The following RFTN2 variants were observed in gnomAD, a reference collection of about 807,000 sequenced individuals.
The protein encoded by RFTN2 is raftlin-2.
In RFTN2, 34 loss-of-function variants were observed where a neutral mutation model predicts 52.7. That is an observed-to-expected ratio of 0.64 (90% CI 0.49 to 0.86). The LOEUF is 0.86. Ranked by LOEUF, RFTN2 falls within the 40% of genes least tolerant of loss-of-function variation. RFTN2 has a pLI of 0.00. For missense variants in RFTN2, 536 were observed against 600.1 expected (o/e 0.89, Z 1.12); for synonymous variants, 203 against 217.7 (o/e 0.93, Z 0.59).
intron 7 of RFTN2, among the ~76,000 whole-genome samples, chr2:197,608,555 C>T (rs1209356186): frequency 4.6e-5 from 7 of 150,616 alleles, no homozygotes; most frequent in Non-Finnish European, 1.0e-4. Context: ...CTCAAGTGAT[C>T]TGCCTTCTTT....
At chr2:197,654,352 A>C (rs1198923938) in intron 1 of RFTN2, among the ~76,000 whole-genome samples, 1 of 152,012 alleles carries the variant, frequency 6.6e-6, no homozygotes, top group Non-Finnish European at 1.5e-5. Context: ...CCATGATAGC[A>C]CCACTGCACT....
chr2:197,672,208 C>T (rs1314949815), intron 1 of RFTN2, among the ~76,000 whole-genome samples: 4 of 152,068 alleles, frequency 2.6e-5, no homozygotes, highest in Admixed American at 2.6e-4. Flanking sequence ...CAGAAAAATT[C>T]GGCCTACCTA....
At chr2:197,602,793 A>G (rs1247728017) in intron 7 of RFTN2, among the ~76,000 whole-genome samples, 1 of 152,226 alleles carries the variant, frequency 6.6e-6, no homozygotes, top group Non-Finnish European at 1.5e-5. Context: ...TCGCGGCACT[A>G]TTCACAATAG....
intron 5 of RFTN2, 80 bp downstream of exon 5, chr2:197,630,931 T>G: frequency 1.1e-6 from 1 of 913,416 alleles, no homozygotes; most frequent in Non-Finnish European, 1.8e-6. Context: ...CCATAGAACT[T>G]GAGAGGTAAA....
At chr2:197,596,331 C>G (rs942017919) in intron 7 of RFTN2, among the ~76,000 whole-genome samples, 2 of 152,124 alleles carry the variant, frequency 1.3e-5, no homozygotes, top group East Asian at 3.8e-4. Context: ...TTTAAAGACA[C>G]TTGTAATCTC....
At chr2:197,627,876 C>T (rs576112766) in intron 5 of RFTN2, among the ~76,000 whole-genome samples, 2 of 107,984 alleles carry the variant, frequency 1.9e-5, no homozygotes, top group Admixed American at 1.1e-4. Context: ...CTGTCCCCCG[C>T]CCCCCCGCCC....
In RFTN2 at chr2:197,675,538, G is replaced by T; in HGVS notation, c.-80C>A. On this transcript the variant is annotated 5_prime_UTR_variant, in exon 1 of 9. Transcript: ENST00000295049. ...CTGTTGTTTAAGCTGCAAAAAGAAAGTTACAGACTTAACTGCTTTGATTTT... is the reference window on the plus strand; with the variant it reads ...CTGTTGTTTAAGCTGCAAAAAGAAATTTACAGACTTAACTGCTTTGATTTT... 1.7e-6 allele frequency: 1 copy of T among 605,496 alleles called. No homozygotes were observed. The allele number at this position is 605,496 out of a possible 1,614,324, so 37.5% of individuals were successfully genotyped here. A position where few individuals can be genotyped will look rare whatever the true frequency, so the allele number is the denominator to read the frequency against.
chr2:197,672,288 A>C (rs1183950839), intron 1 of RFTN2, among the ~76,000 whole-genome samples: 2 of 152,232 alleles, frequency 1.3e-5, no homozygotes, highest in African/African-American at 2.4e-5. Flanking sequence ...TAAGATACCC[A>C]GCATAGCAGC....
chr2:197,635,189 A>G (rs1349800028), intron 3 of RFTN2, among the ~76,000 whole-genome samples: 2 of 152,154 alleles, frequency 1.3e-5, no homozygotes, highest in Non-Finnish European at 2.9e-5. Context: ...TAATGCCGCA[A>G]TAAACATACT....
intron 1 of RFTN2, among the ~76,000 whole-genome samples, chr2:197,648,578 A>G (rs1364296530): frequency 6.6e-6 from 1 of 152,246 alleles, no homozygotes; most frequent in Non-Finnish European, 1.5e-5. Context: ...TCTTAACACT[A>G]AGGAATGAAA....
intron 8 of RFTN2, among the ~76,000 whole-genome samples, chr2:197,589,161 G>A (rs2087648555): frequency 7.3e-6 from 1 of 136,676 alleles, no homozygotes; most frequent in South Asian, 2.4e-4. Context: ...GGCGGAGGTT[G>A]CAGTGAGCTG....
intron 3 of RFTN2, among the ~76,000 whole-genome samples, chr2:197,641,757 C>G (rs1256174030): frequency 6.6e-6 from 1 of 152,212 alleles, no homozygotes; most frequent in Non-Finnish European, 1.5e-5. Flanking sequence ...CACAAGGCAG[C>G]CGCTCAAAAA....
chr2:197,629,702 A>AT (rs71939307), intron 5 of RFTN2, among the ~76,000 whole-genome samples: 1,647 of 141,962 alleles, frequency 0.012, 8 homozygotes, highest in African/African-American at 0.019. Context: ...ACACACACAT[A>AT]TTTATTTTAT....
chr2:197,634,814 A>C (rs143718644), intron 3 of RFTN2, among the ~76,000 whole-genome samples: 2,505 of 151,554 alleles, frequency 0.017, 69 homozygotes, highest in African/African-American at 0.058. Context: ...TATACATGTG[A>C]CATGCTGGTG....
Position 197,572,067 on chromosome 2 carries a change from C to A in RFTN2, c.1447G>T (p.Glu483Ter), listed in dbSNP as rs1243777052. ...GFSSSDNVLR[E>*]LDDGQFDQED... is the part of the protein sequence containing the mutation. ...TGATCAAACTGTCCGTCGTCTAATT[C>A]CCGGAGGACGTTGTCACTGCTGCTG... Residue 483 changes from glutamate (E) to a stop codon, truncating the protein, a stop_gained, in exon 9 of 9, where the codon GAA becomes TAA. Transcript: ENST00000295049. LOFTEE classifies it high-confidence loss of function. 1 of 1,614,196 alleles carries A rather than the reference C, an allele frequency of 6.2e-7. No individual in the cohort carries two copies. The highest frequency in any genetic ancestry group is 8.5e-7 in the Non-Finnish European group (1 of 1,180,036).
intron 8 of RFTN2, among the ~76,000 whole-genome samples, chr2:197,586,832 C>A (rs915702564): frequency 6.6e-6 from 1 of 152,210 alleles, no homozygotes; most frequent in Non-Finnish European, 1.5e-5. Context: ...CCTTGACTTA[C>A]TCACTGCTGA....
At chr2:197,629,706 AT>A (rs751561536) in intron 5 of RFTN2, among the ~76,000 whole-genome samples, 93 of 149,190 alleles carry the variant, frequency 6.2e-4, no homozygotes, top group Non-Finnish European at 1.0e-3. Context: ...ACACATATTT[AT>A]TTTATTTTAT....
chr2:197,571,917 TACATAAATGCAGAGAAAGTAATA>T lies in RFTN2; in HGVS notation c.*68_*90del. On this transcript the variant is annotated 3_prime_UTR_variant, in exon 9 of 9. Transcript: ENST00000295049. Reference sequence around the variant, plus strand: ...TGGGTCTGGAAAAATTCAAAAATATTACATAAATGCAGAGAAAGTAATACAATAAGGTCAGTTGGCAATGATTT... The same window carrying T: ...TGGGTCTGGAAAAATTCAAAAATATTCAATAAGGTCAGTTGGCAATGATTT... 1.5e-6 allele frequency: 2 copies of T among 1,374,888 alleles called. No individual in the cohort carries two copies. The highest frequency in any genetic ancestry group is 2.7e-5 in the South Asian group (2 of 73,484). The allele number at this position is 1,374,888 out of a possible 1,614,324, so 85.2% of individuals were successfully genotyped here. A position where few individuals can be genotyped will look rare whatever the true frequency, so the allele number is the denominator to read the frequency against.
At position 197,675,327 on chromosome 2, in the gene RFTN2, A is replaced by C; in HGVS notation, c.132T>G (p.Thr44=). ...FAYEYVLLDF[T]LQASSNPEVI... Reference sequence around the variant, plus strand: ...AATAGAAGCAAAAAGTACCTTGTAGAGTAAAATCCAGCAATACATATTCGT... The same window carrying C: ...AATAGAAGCAAAAAGTACCTTGTAGCGTAAAATCCAGCAATACATATTCGT... The change falls in exon 1 of 9, where the codon ACT becomes ACG. Residue 44 remains threonine, a synonymous_variant. Transcript: ENST00000295049. 1 of 1,597,232 alleles carries C rather than the reference A, an allele frequency of 6.3e-7. No homozygotes were observed.
Sources: allele counts gnomAD v4.1 joint callset (sites outside exome capture counted in the v4.1 genomes callset), GRCh38; gene constraint gnomAD v4.1.1; transcripts MANE v1.5; gene names NCBI Gene and HGNC (gene_info 2026-07-23, HGNC 2026-07-21).